SPTA1: variants seen among roughly 807,000 people sequenced by gnomAD.
The protein encoded by SPTA1 is spectrin alpha, erythrocytic 1, also known as spectrin alpha chain, erythrocytic 1.
In SPTA1, 177 loss-of-function variants were observed where a neutral mutation model predicts 324.7. The ratio of observed to expected loss-of-function variants is 0.55; its 90% confidence interval spans 0.48 to 0.62. The LOEUF is 0.62. Ranked by LOEUF, SPTA1 falls within the 20% of genes least tolerant of loss-of-function variation. The pLI is 0.00. For missense variants in SPTA1, 3,162 were observed against 2,883.6 expected (o/e 1.10, Z -2.21); for synonymous variants, 1,195 against 1,041.3 (o/e 1.15, Z -2.84).
chr1:158,612,369 G>T (rs371525422), intron 51 of SPTA1: 1 of 221,826 alleles, frequency 4.5e-6, no homozygotes, highest in Admixed American at 5.3e-5. Context: ...ATTACTTCTG[G>T]TTGTAATAAA....
At chr1:158,642,755 C>G (rs1234271391) in intron 32 of SPTA1, 59 bp downstream of exon 32, 1 of 1,612,660 alleles carries the variant, frequency 6.2e-7, no homozygotes, top group African/African-American at 1.3e-5. Flanking sequence ...AGGGTGATGA[C>G]TATCCAACCA....
intron 50 of SPTA1, 120 bp downstream of exon 50, chr1:158,613,601 G>T: frequency 7.1e-7 from 1 of 1,402,300 alleles, no homozygotes; most frequent in Admixed American, 1.8e-5. Context: ...ATTTATGGTT[G>T]CCTATTTCTT....
intron 36 of SPTA1, among the ~76,000 whole-genome samples, chr1:158,637,317 T>C (rs997736509): frequency 6.6e-6 from 1 of 152,226 alleles, no homozygotes; most frequent in Non-Finnish European, 1.5e-5. Flanking sequence ...TAAAACATGT[T>C]ATTTGTTGCC....
intron 8 of SPTA1, 23 bp from the exon 9 acceptor site, chr1:158,674,698 G>A (rs1486449319): frequency 1.2e-6 from 2 of 1,612,492 alleles, no homozygotes; most frequent in Admixed American, 1.7e-5. Context: ...TGAGGTAAAA[G>A]ACAGGAAGGA....
intron 43 of SPTA1, chr1:158,620,840 G>GAAAAAAAAAAAAAAAA (rs200959019): frequency 4.5e-5 from 4 of 89,508 alleles, no homozygotes; most frequent in African/African-American, 1.4e-4. Context: ...TAGTAAACAT[G>GAAAAAAAAAAAAAAAA]AAAAAAAAAA....
intron 43 of SPTA1, among the ~76,000 whole-genome samples, chr1:158,621,205 A>T (rs1649891743): frequency 6.7e-6 from 1 of 148,540 alleles, no homozygotes; most frequent in Non-Finnish European, 1.5e-5. Context: ...TTTTTCAAAC[A>T]GCAAGTGATC....
chr1:158,685,428 A>G, intron 1 of SPTA1, 81 bp from the exon 2 acceptor site: 3 of 1,584,016 alleles, frequency 1.9e-6, no homozygotes, highest in Non-Finnish European at 2.6e-6. Context: ...CAAGGTGTTT[A>G]CTCATGTTGG....
intron 41 of SPTA1, 136 bp downstream of exon 41, chr1:158,626,703 T>C (rs1650295815): frequency 9.3e-7 from 1 of 1,075,968 alleles, no homozygotes; most frequent in Non-Finnish European, 1.4e-6. Flanking sequence ...TGTAATTCTG[T>C]CCAGAAAGGA....
Position 158,656,571 on chromosome 1 carries a change from G to A in SPTA1, c.2891C>T (p.Ala964Val). Residue 964 changes from alanine (A) to valine (V), a missense_variant, in exon 20 of 52, where the codon GCC becomes GTC. Coordinates refer to ENST00000643759, the MANE Select transcript of SPTA1 (RefSeq NM_003126.4). ...TCGCTAAGTTAGTCTTACCTGGCAG[G>A]CGTTTGCCTGATTCCGCAGAGCTTT... ...SMKALRNQAN[A>V]CQQQQAAPVE... 1 of 1,613,668 alleles carries A rather than the reference G, an allele frequency of 6.2e-7. No homozygotes were observed. Among genetic ancestry groups the A allele is most frequent in the South Asian group, 1.1e-5 (1 of 91,070 alleles).
intron 36 of SPTA1, among the ~76,000 whole-genome samples, chr1:158,637,187 T>C (rs1310355297): frequency 2.6e-5 from 4 of 152,218 alleles, no homozygotes; most frequent in Non-Finnish European, 5.9e-5. Flanking sequence ...GCTGATTTCA[T>C]AGGAGTCATG....
rs185451280 is a variant in SPTA1, at chr1:158,678,332, C to A, written c.812+69G>T. ...TAATTGCTAACAGAAGTAGAAAGAG[C>A]CTAATACAAAGACACGGTTTTTATA... On this transcript the variant is annotated intron_variant, in intron 6 of 51. Coordinates refer to ENST00000643759, the MANE Select transcript of SPTA1 (RefSeq NM_003126.4). The A allele has an allele frequency of 7.3e-5, 116 of 1,598,012 alleles. 1 individual carries two copies. In the African/African-American group the frequency reaches 1.4e-3, roughly 20 times the overall value.
At chr1:158,684,544 C>G (rs776360780) in intron 2 of SPTA1, among the ~76,000 whole-genome samples, 2 of 151,986 alleles carry the variant, frequency 1.3e-5, no homozygotes, top group Non-Finnish European at 2.9e-5. Context: ...AATAACACCC[C>G]GATGTTTATG....
At chr1:158,647,868 C>A (rs1363033689) in intron 26 of SPTA1, 148 bp from the exon 27 acceptor site, 9 of 841,840 alleles carry the variant, frequency 1.1e-5, no homozygotes, top group South Asian at 1.0e-4. Context: ...TAATATCAAC[C>A]TTTTAGTCCA....
At chr1:158,651,611 C>T (rs1023155610) in intron 23 of SPTA1, 143 bp from the exon 24 acceptor site, 21 of 701,146 alleles carry the variant, frequency 3.0e-5, no homozygotes, top group Non-Finnish European at 2.6e-6. Flanking sequence ...TCCAATCCAC[C>T]ACTGAGAAGA....
chr1:158,617,542 T>A lies in SPTA1; in HGVS notation c.6595A>T (p.Asn2199Tyr). The change falls in exon 47 of 52, where the codon AAT (asparagine) becomes TAT (tyrosine). Residue 2199 changes from asparagine (N) to tyrosine (Y), a missense_variant. Physicochemically the swap from Asn to Tyr is moderately radical, Grantham distance 143 (BLOSUM62 -2). Transcript: ENST00000643759. The part of the protein sequence containing the change: ...TGTLESQLEA[N>Y]KRKQKEIQAM... Reference sequence around the variant, plus strand: ...AATGAAAAAACAATACTTACTTTATTTGCTTCCAGCTGAGATTCCAGAGTT... The same window carrying A: ...AATGAAAAAACAATACTTACTTTATATGCTTCCAGCTGAGATTCCAGAGTT... 1 of 1,613,402 alleles carries A rather than the reference T, an allele frequency of 6.2e-7. No homozygotes were observed. Among genetic ancestry groups the A allele is most frequent in the Non-Finnish European group, 8.5e-7 (1 of 1,179,406 alleles).
chr1:158,653,377 C>G lies in SPTA1; in HGVS notation c.3085G>C (p.Val1029Leu). Residue 1029 changes from valine to leucine, a missense_variant, in exon 22 of 52, where the codon GTC (valine) becomes CTC (leucine). Coordinates refer to ENST00000643759, the MANE Select transcript of SPTA1 (RefSeq NM_003126.4). Reference protein sequence around the residue: ...AADHQGIVPAVYVRRLAHDEF... With the variant: ...AADHQGIVPALYVRRLAHDEF... Reference sequence around the variant, plus strand: ...TCGTGGGCCAGTCTTCTGACATAGACAGCTGGGACAATGCCCTGATGATCA... The same window carrying G: ...TCGTGGGCCAGTCTTCTGACATAGAGAGCTGGGACAATGCCCTGATGATCA... 6.2e-7 allele frequency: 1 copy of G among 1,614,110 alleles called. No homozygotes were observed. The highest frequency in any genetic ancestry group is 1.1e-5 in the South Asian group (1 of 91,078).
rs1438361428 is a variant in SPTA1, at chr1:158,662,818, G to T, written c.2348C>A (p.Ala783Asp). Residue 783 changes from alanine (A) to aspartate (D), a missense_variant, in exon 17 of 52, where the codon GCC becomes GAC. By Grantham distance (126) the Ala-to-Asp change is moderately radical. Coordinates refer to ENST00000643759, the MANE Select transcript of SPTA1 (RefSeq NM_003126.4). ...CRFEALKEPL[A>D]TRKKKLLDLL... The stretch of plus-strand genomic sequence containing the variant: ...GTCTAAGAGCTTCTTCTTTCGGGTG[G>T]CCAGTGGCTCTTTCAGAGCTTCAAA... 3 of 1,613,930 alleles carry T rather than the reference G, an allele frequency of 1.9e-6. No individual in the cohort carries two copies. The African/African-American group carries it at 4.0e-5, about 22-fold the overall frequency.
chr1:158,654,564 T>C lies in SPTA1; in HGVS notation c.3036+47A>G, dbSNP rs2101868697. 7 of 1,613,196 alleles carry C rather than the reference T, an allele frequency of 4.3e-6. No individual in the cohort carries two copies. The East Asian group carries it at 6.7e-5, about 15-fold the overall frequency. ...TATCTGGCAGGATTGGGAGAGATGGTTCTGAAAGAGCCACTTTTTGATGGA... is the reference window on the plus strand; with the variant it reads ...TATCTGGCAGGATTGGGAGAGATGGCTCTGAAAGAGCCACTTTTTGATGGA... On this transcript the variant is annotated intron_variant, in intron 21 of 51. Transcript: ENST00000643759.
intron 47 of SPTA1, 87 bp downstream of exon 47, chr1:158,617,450 G>T: frequency 9.1e-7 from 1 of 1,094,086 alleles, no homozygotes; most frequent in Non-Finnish European, 1.4e-6. Context: ...ATACCTAAAA[G>T]TATCACCTGG....
Sources: gnomAD v4.1 joint callset for allele counts (sites outside exome capture counted in the v4.1 genomes callset) on GRCh38, gnomAD v4.1.1 for gene constraint, MANE v1.5 for transcripts, NCBI Gene and HGNC (gene_info 2026-07-23, HGNC 2026-07-21) for gene names.